The following WDHD1 variants were observed in gnomAD, a reference collection of about 807,000 sequenced individuals.
WDHD1 encodes WD repeat and HMG-box DNA-binding protein 1.
In WDHD1, 111 loss-of-function variants were observed where a neutral mutation model predicts 135.4. The observed-to-expected ratio is 0.82, with a 90% CI of 0.70 to 0.96. WDHD1 has a LOEUF of 0.96. WDHD1 is among the 40% of genes least tolerant of loss of function. WDHD1 has a pLI of 0.00. For synonymous variants in WDHD1, 434 were observed against 439.0 expected (o/e 0.99, Z 0.14); for missense variants, 1,351 against 1,336.3 (o/e 1.01, Z -0.17).
At chr14:54,988,035 A>G (rs2041721141) in intron 13 of WDHD1, among the ~76,000 whole-genome samples, 1 of 152,246 alleles carries the variant, frequency 6.6e-6, no homozygotes, top group Admixed American at 6.5e-5. Context: ...CTTGATTAAC[A>G]AAAAGCTGAA....
chr14:54,956,075 T>A (rs1268074435), intron 23 of WDHD1, among the ~76,000 whole-genome samples: 1 of 152,010 alleles, frequency 6.6e-6, no homozygotes, highest in East Asian at 1.9e-4. Flanking sequence ...AATTCCATGT[T>A]TTCTAAATGA....
At chr14:54,995,433 T>C (rs2041862407) in intron 11 of WDHD1, among the ~76,000 whole-genome samples, 170 bp downstream of exon 11, 1 of 152,222 alleles carries the variant, frequency 6.6e-6, no homozygotes, top group Non-Finnish European at 1.5e-5. Flanking sequence ...AGCAGAAGCT[T>C]GGATTATAGA....
intron 16 of WDHD1, among the ~76,000 whole-genome samples, chr14:54,979,034 C>T (rs2041574413): frequency 6.6e-6 from 1 of 151,858 alleles, no homozygotes; most frequent in Non-Finnish European, 1.5e-5. Flanking sequence ...ATCTTATCTT[C>T]TTTACTAAAT....
At chr14:54,969,717 C>T (rs1349437267) in intron 16 of WDHD1, among the ~76,000 whole-genome samples, 1 of 152,162 alleles carries the variant, frequency 6.6e-6, no homozygotes, top group Non-Finnish European at 1.5e-5. Flanking sequence ...CAGCATTATC[C>T]TGATACCAAA....
intron 7 of WDHD1, chr14:55,004,987 C>T (rs1171771284): frequency 2.2e-5 from 12 of 542,110 alleles, no homozygotes; most frequent in Non-Finnish European, 4.0e-5. Context: ...TGAGGAGCAC[C>T]GAACTCAGGA....
intron 15 of WDHD1, among the ~76,000 whole-genome samples, chr14:54,983,656 G>A (rs923130995): frequency 6.6e-6 from 1 of 150,410 alleles, no homozygotes; most frequent in Admixed American, 6.6e-5. Flanking sequence ...CTGGGCAACA[G>A]AGCAAGACTC....
chr14:55,007,526 C>A, intron 6 of WDHD1, 151 bp from the exon 7 acceptor site: 1 of 571,544 alleles, frequency 1.7e-6, no homozygotes, highest in East Asian at 3.0e-5. Flanking sequence ...ACCTGATATA[C>A]CTAAACTGCT....
intron 2 of WDHD1, among the ~76,000 whole-genome samples, chr14:55,020,104 G>C (rs1390973869): frequency 2.0e-5 from 3 of 152,108 alleles, no homozygotes; most frequent in African/African-American, 7.2e-5. Flanking sequence ...TATATACTCA[G>C]CTTTCTTTCT....
chr14:55,003,688 C>T lies in WDHD1; in HGVS notation c.601-1503G>A, dbSNP rs567133129. Reference sequence around the variant, plus strand: ...AAGCAATTCTCCTGCCTCAGCCTCCCGAGCAGCTGGGACTACAGGCGCACA... The same window carrying T: ...AAGCAATTCTCCTGCCTCAGCCTCCTGAGCAGCTGGGACTACAGGCGCACA... On this transcript the variant is annotated intron_variant, in intron 7 of 25. Coordinates refer to ENST00000360586, the MANE Select transcript of WDHD1 (RefSeq NM_007086.4). Among the ~76,000 whole-genome samples the T allele has an allele frequency of 6.3e-4, 96 of 151,828 alleles. No individual in the cohort carries two copies. The South Asian group carries it at 0.018, about 29-fold the overall frequency.
chr14:54,990,968 T>C (rs1407369285), intron 12 of WDHD1, among the ~76,000 whole-genome samples: 2 of 152,218 alleles, frequency 1.3e-5, no homozygotes, highest in Non-Finnish European at 2.9e-5. Flanking sequence ...AATATTTACT[T>C]ATGTTCATTT....
chr14:55,004,087 G>A (rs1025165726), intron 7 of WDHD1, among the ~76,000 whole-genome samples: 1 of 151,940 alleles, frequency 6.6e-6, no homozygotes, highest in Non-Finnish European at 1.5e-5. Context: ...TTTATTTCCT[G>A]AAAAATTTCA....
intron 18 of WDHD1, among the ~76,000 whole-genome samples, chr14:54,964,814 T>C (rs2041315874): frequency 6.6e-6 from 1 of 152,206 alleles, no homozygotes; most frequent in Non-Finnish European, 1.5e-5. Flanking sequence ...CCTGGTATTT[T>C]TGATATGAGA....
Position 55,014,247 on chromosome 14 carries a change from C to T in WDHD1, c.78-651G>A, listed in dbSNP as rs574512649. Among the ~76,000 whole-genome samples, 44 of 152,304 alleles carry T rather than the reference C, an allele frequency of 2.9e-4. No homozygotes were observed. The South Asian group carries it at 8.9e-3, about 31-fold the overall frequency. On this transcript the variant is annotated intron_variant, in intron 2 of 25. Transcript: ENST00000360586. ...TCGCTGGGACTACAGGCGCATGCCACCATGCCTGGCTAATTTATTTTTTGT... is the reference window on the plus strand; with the variant it reads ...TCGCTGGGACTACAGGCGCATGCCATCATGCCTGGCTAATTTATTTTTTGT...
chr14:54,988,219 GGTTT>G (rs778077406), intron 13 of WDHD1, among the ~76,000 whole-genome samples: 16 of 137,664 alleles, frequency 1.2e-4, no homozygotes, highest in Non-Finnish European at 2.0e-4. Flanking sequence ...TACATTTTTT[GGTTT>G]GTTTTTCCGT....
intron 24 of WDHD1, 52 bp downstream of exon 24, chr14:54,955,509 A>C (rs2041137612): frequency 1.4e-6 from 2 of 1,440,458 alleles, no homozygotes; most frequent in African/African-American, 2.9e-5. Context: ...TATTGCTGCT[A>C]CTGTATACTT....
intron 2 of WDHD1, among the ~76,000 whole-genome samples, chr14:55,023,103 C>T (rs570657166): frequency 6.6e-6 from 1 of 152,212 alleles, no homozygotes; most frequent in Non-Finnish European, 1.5e-5. Flanking sequence ...TGTGAGCCAT[C>T]ACACCCGGCC....
At chr14:54,967,523 A>G in intron 16 of WDHD1, 129 bp from the exon 17 acceptor site, 1 of 563,604 alleles carries the variant, frequency 1.8e-6, no homozygotes, top group East Asian at 3.4e-5. Context: ...ATCATATATA[A>G]CAAATATCTC....
Position 55,008,634 on chromosome 14 carries a change from A to G in WDHD1, c.427T>C (p.Ser143Pro). 1.9e-6 allele frequency: 3 copies of G among 1,610,492 alleles called. No individual in the cohort carries two copies. The highest frequency in any genetic ancestry group is 1.7e-6 in the Non-Finnish European group (2 of 1,179,146). The change falls in exon 5 of 26, where the codon TCC (serine) becomes CCC (proline). Residue 143 changes from serine to proline, a missense_variant. This residue lies in a region of WDHD1 where 1,330 missense variants were observed against 1,296.1 expected (regional missense o/e 1.03). Coordinates refer to ENST00000360586, the MANE Select transcript of WDHD1 (RefSeq NM_007086.4). Reference sequence around the variant, plus strand: ...AGAAAGATGTCCTTAGGATCAAAGGAAAGACTTAAAACAGGGGCATCATGT... The same window carrying G: ...AGAAAGATGTCCTTAGGATCAAAGGGAAGACTTAAAACAGGGGCATCATGT... ...RGHDAPVLSL[S>P]FDPKDIFLAS...
chr14:54,967,682 G>A (rs1369348458), intron 16 of WDHD1, among the ~76,000 whole-genome samples: 1 of 152,008 alleles, frequency 6.6e-6, no homozygotes, highest in Non-Finnish European at 1.5e-5. Context: ...GCACGGTGGT[G>A]TGATCACGGC....
Sources: gnomAD v4.1 joint callset for allele counts (sites outside exome capture counted in the v4.1 genomes callset) on GRCh38, gnomAD v4.1.1 for gene constraint, gnomAD v4.1.1 regional missense constraint, MANE v1.5 for transcripts, NCBI Gene and HGNC (gene_info 2026-07-23, HGNC 2026-07-21) for gene names.